The following CNTNAP2 variants were observed in gnomAD, a reference collection of about 807,000 sequenced individuals.
CNTNAP2 encodes the protein contactin associated protein 2.
In CNTNAP2, 98 loss-of-function variants were observed where a neutral mutation model predicts 155.2. That is an observed-to-expected ratio of 0.63 (90% CI 0.54 to 0.75). The LOEUF (loss-of-function observed/expected upper bound fraction) is 0.75. CNTNAP2 is among the 30% of genes least tolerant of loss of function. The pLI, the probability that CNTNAP2 is intolerant of heterozygous loss-of-function variation, is 0.00. For synonymous variants in CNTNAP2, 651 were observed against 631.2 expected (o/e 1.03, Z -0.47); for missense variants, 1,727 against 1,688.1 (o/e 1.02, Z -0.40).
intron 1 of CNTNAP2, among the ~76,000 whole-genome samples, chr7:146,463,579 T>G (rs780594102): frequency 1.3e-4 from 20 of 152,020 alleles, no homozygotes; most frequent in Non-Finnish European, 2.5e-4. Context: ...TACGTACATA[T>G]ATACATACGT....
intron 13 of CNTNAP2, among the ~76,000 whole-genome samples, chr7:147,763,242 A>T (rs1483827348): frequency 6.7e-6 from 1 of 149,088 alleles, no homozygotes; most frequent in African/African-American, 2.5e-5. Context: ...CTGGGCAACA[A>T]GAGCAGAAAC....
intron 4 of CNTNAP2, among the ~76,000 whole-genome samples, chr7:147,107,451 A>G (rs1294699030): frequency 6.6e-6 from 1 of 152,184 alleles, no homozygotes; most frequent in Non-Finnish European, 1.5e-5. Context: ...CTTTAAACTC[A>G]TATATGGATA....
intron 13 of CNTNAP2, among the ~76,000 whole-genome samples, chr7:147,714,624 T>C (rs1057295672): frequency 3.9e-5 from 6 of 152,246 alleles, no homozygotes; most frequent in East Asian, 1.9e-4. Flanking sequence ...ATTGGATTTT[T>C]TTATATTGAT....
intron 1 of CNTNAP2, among the ~76,000 whole-genome samples, chr7:146,762,511 A>G (rs150499828): frequency 0.024 from 3,688 of 152,294 alleles, 110 homozygotes; most frequent in African/African-American, 0.071. Context: ...AGGCAGGAGA[A>G]TTGCTTGAAC....
At chr7:147,895,522 T>G (rs1168527001) in intron 13 of CNTNAP2, among the ~76,000 whole-genome samples, 1 of 152,230 alleles carries the variant, frequency 6.6e-6, no homozygotes, top group Non-Finnish European at 1.5e-5. Flanking sequence ...TTACCTAACC[T>G]TGTTGCAGTG....
chr7:147,908,214 A>G (rs1426454099), intron 14 of CNTNAP2, among the ~76,000 whole-genome samples: 1 of 152,190 alleles, frequency 6.6e-6, no homozygotes, highest in Non-Finnish European at 1.5e-5. Context: ...AGATGTTATG[A>G]AACAGGCTTT....
chr7:147,447,571 C>A (rs1185448226), intron 10 of CNTNAP2, among the ~76,000 whole-genome samples: 1 of 152,036 alleles, frequency 6.6e-6, no homozygotes, highest in Non-Finnish European at 1.5e-5. Context: ...CGCGCGCCAC[C>A]AAGCCCAGCT....
intron 3 of CNTNAP2, among the ~76,000 whole-genome samples, chr7:147,035,807 A>T (rs562987334): frequency 6.6e-6 from 1 of 152,306 alleles, no homozygotes; most frequent in South Asian, 2.1e-4. Context: ...GAATAAATAT[A>T]CTTATTCTCA....
chr7:146,507,942 A>G (rs917061858), intron 1 of CNTNAP2, among the ~76,000 whole-genome samples: 1 of 152,136 alleles, frequency 6.6e-6, no homozygotes, highest in Non-Finnish European at 1.5e-5. Flanking sequence ...GGAAGAATGT[A>G]TGGGCCAAGT....
intron 4 of CNTNAP2, among the ~76,000 whole-genome samples, chr7:147,068,592 C>T (rs914287513): frequency 2.0e-5 from 3 of 152,234 alleles, no homozygotes; most frequent in South Asian, 2.1e-4. Context: ...CTCCTGGACT[C>T]GTGATCCGCC....
intron 3 of CNTNAP2, among the ~76,000 whole-genome samples, chr7:147,010,921 G>GGT (rs1798611706): frequency 6.6e-6 from 1 of 152,016 alleles, no homozygotes; most frequent in East Asian, 1.9e-4. Context: ...GGGAAGAAAT[G>GGT]GTACCTTCCA....
chr7:148,168,802 C>T (rs1805722608), intron 17 of CNTNAP2, among the ~76,000 whole-genome samples: 1 of 152,092 alleles, frequency 6.6e-6, no homozygotes, highest in Non-Finnish European at 1.5e-5. Context: ...CCATGAAATA[C>T]CAATTGTTTC....
intron 8 of CNTNAP2, among the ~76,000 whole-genome samples, chr7:147,148,206 C>CG (rs1397716041): frequency 6.6e-6 from 1 of 151,436 alleles, no homozygotes; most frequent in East Asian, 2.0e-4. Context: ...CCGGCTAAAA[C>CG]GGTGAAACCC....
intron 1 of CNTNAP2, among the ~76,000 whole-genome samples, chr7:146,552,139 A>C (rs538896949): frequency 6.6e-6 from 1 of 152,160 alleles, no homozygotes; most frequent in African/African-American, 2.4e-5. Context: ...CAAAGTTGCA[A>C]CTATTATTAT....
chr7:147,404,668 C>G (rs1796974581), intron 10 of CNTNAP2, among the ~76,000 whole-genome samples: 1 of 152,116 alleles, frequency 6.6e-6, no homozygotes, highest in South Asian at 2.1e-4. Flanking sequence ...CATGCTAACT[C>G]CAGTCTTTCA....
intron 21 of CNTNAP2, among the ~76,000 whole-genome samples, chr7:148,314,549 G>C (rs1797653379): frequency 6.6e-6 from 1 of 152,088 alleles, no homozygotes; most frequent in Non-Finnish European, 1.5e-5. Context: ...CATAGTGAAG[G>C]AGGCAAGCCC....
intron 23 of CNTNAP2, among the ~76,000 whole-genome samples, chr7:148,411,871 G>A (rs556468140): frequency 6.7e-6 from 1 of 148,498 alleles, no homozygotes; most frequent in African/African-American, 2.5e-5. Flanking sequence ...GTGTGTGTGT[G>A]TCTATTTTCT....
At chr7:148,087,662 G>C (rs1056318612) in intron 15 of CNTNAP2, among the ~76,000 whole-genome samples, 7 of 152,160 alleles carry the variant, frequency 4.6e-5, no homozygotes, top group Middle Eastern at 3.4e-3. Flanking sequence ...GCAATAACAA[G>C]ATGTCCCAGA....
intron 3 of CNTNAP2, among the ~76,000 whole-genome samples, chr7:147,005,842 G>T (rs1258527102): frequency 1.3e-5 from 2 of 152,106 alleles, no homozygotes; most frequent in African/African-American, 4.8e-5. Flanking sequence ...TTTGTTGTCT[G>T]CAGTTTCTCA....
Sources: gnomAD v4.1 joint callset for allele counts (sites outside exome capture counted in the v4.1 genomes callset) on GRCh38, gnomAD v4.1.1 for gene constraint, MANE v1.5 for transcripts, NCBI Gene and HGNC (gene_info 2026-07-23, HGNC 2026-07-21) for gene names.